The following STK36 variants were observed in gnomAD, a reference collection of about 807,000 sequenced individuals.
STK36 encodes the protein serine/threonine-protein kinase 36.
STK36 carries 116 observed loss-of-function variants against 142.2 expected under a neutral mutation model. That is an observed-to-expected ratio of 0.82 (90% confidence interval 0.70 to 0.95). The LOEUF (loss-of-function observed/expected upper bound fraction) is 0.95, where lower values mean the gene tolerates loss of function less well. Among genes scored for constraint, STK36 ranks in the 40% least tolerant of loss-of-function variants. The probability of loss-of-function intolerance (pLI) is 0.00; values close to 1 mark genes in which losing one functional copy is unlikely to be tolerated. For synonymous variants in STK36, 619 were observed against 641.7 expected, an observed-to-expected ratio of 0.96 and a Z score of 0.53; for missense variants, 1,422 against 1,617.2, an observed-to-expected ratio of 0.88 and a Z score of 2.07.
At chr2:218,675,285 G>A (rs748472396) in intron 4 of STK36, 58 bp from the exon 5 acceptor site, 83 of 1,567,016 alleles carry the variant, frequency 5.3e-5, no homozygotes, top group Non-Finnish European at 6.8e-5. Flanking sequence ...TTTTGGGCTT[G>A]TCAGCCAGCT....
At chr2:218,698,475 C>A in intron 25 of STK36, 127 bp from the exon 26 acceptor site, 1 of 1,180,106 alleles carries the variant, frequency 8.5e-7, no homozygotes, top group Non-Finnish European at 1.2e-6. Context: ...TGCTGTGGGG[C>A]AGGACTTCCA....
chr2:218,696,998 C>T, intron 22 of STK36, 41 bp from the exon 23 acceptor site: 1 of 1,610,656 alleles, frequency 6.2e-7, no homozygotes, highest in South Asian at 1.1e-5. Context: ...GGATTCCTGA[C>T]TTCTGTCTTT....
intron 21 of STK36, among the ~76,000 whole-genome samples, chr2:218,695,052 G>A (rs1362058346): frequency 6.6e-6 from 1 of 152,008 alleles, no homozygotes; most frequent in Non-Finnish European, 1.5e-5. Context: ...GATGGAAAAG[G>A]TGGCTGACAT....
chr2:218,689,484 G>T (rs767693051), intron 12 of STK36, among the ~76,000 whole-genome samples: 1 of 152,212 alleles, frequency 6.6e-6, no homozygotes, highest in African/African-American at 2.4e-5. Context: ...GGACTGAGAG[G>T]ATGGGGAATG....
intron 7 of STK36, 36 bp from the exon 8 acceptor site, chr2:218,679,524 C>G (rs1205858566): frequency 1.9e-6 from 3 of 1,600,012 alleles, no homozygotes; most frequent in African/African-American, 2.7e-5. Context: ...ACTATGGCCC[C>G]CATGATCATG....
At position 218,693,244 on chromosome 2, in the gene STK36, G is replaced by A; in HGVS notation, c.2048G>A (p.Cys683Tyr). ...CCTTCAGGTATGTCTCTATAGGTCT[G>A]TTGGCATTTGGCAAATCAGCTAACT... is the stretch of plus-strand genomic sequence containing the variant. ...PDCWDAKEQV[C>Y]WHLANQLTED... Residue 683 changes from cysteine to tyrosine, a missense_variant, in exon 17 of 27, where the codon TGT (cysteine) becomes TAT (tyrosine). Cys to Tyr is a radical substitution (Grantham distance 194). This residue lies in a region of STK36 where 962 missense variants were observed against 1,167.5 expected (regional missense o/e 0.82). Coordinates refer to ENST00000295709, the MANE Select transcript of STK36 (RefSeq NM_015690.5). 6.2e-7 allele frequency: 1 copy of A among 1,614,158 alleles called. No individual in the cohort carries two copies. Among genetic ancestry groups the A allele is most frequent in the Non-Finnish European group, 8.5e-7 (1 of 1,180,014 alleles).
chr2:218,694,571 C>T lies in STK36; in HGVS notation c.2447C>T (p.Thr816Ile), dbSNP rs1423071091. Residue 816 changes from threonine to isoleucine, a missense_variant, in exon 21 of 27, where the codon ACC becomes ATC. By Grantham distance (89) the Thr-to-Ile change is moderately conservative. Around this residue, in one of 2 missense-constraint regions of STK36, gnomAD observed 962 missense variants for 1,167.5 expected, o/e 0.82. Coordinates refer to ENST00000295709, the MANE Select transcript of STK36 (RefSeq NM_015690.5). This position sits in a 1 kb window ranked among gnomAD's most constrained non-coding sequence, Gnocchi z 4.4. ...LLGQLGQQGV[T>I]FDLQPMEWMA... ...GGACAGCTTGGTCAGCAAGGGGTGACCTTTGACCTCCAGCCCATGGAATGG... is the reference window on the plus strand; with the variant it reads ...GGACAGCTTGGTCAGCAAGGGGTGATCTTTGACCTCCAGCCCATGGAATGG... 1 of 1,614,122 alleles carries T rather than the reference C, an allele frequency of 6.2e-7. No individual in the cohort carries two copies. Among genetic ancestry groups the T allele is most frequent in the Non-Finnish European group, 8.5e-7 (1 of 1,180,048 alleles).
chr2:218,694,964 G>A lies in STK36; in HGVS notation c.2511+329G>A, dbSNP rs529408461. 1.2e-3 allele frequency among the ~76,000 whole-genome samples: 181 copies of A among 152,236 alleles called. No homozygotes were observed. The highest frequency in any genetic ancestry group is 4.1e-3 in the African/African-American group (171 of 41,548). ...TCCTCCTCCAGAAGCTCATGCTCTT[G>A]GCAGAGTCCTTCCTAATGCATAATT... On this transcript the variant is annotated intron_variant, in intron 21 of 26. Transcript: ENST00000295709. This position sits in a 1 kb window ranked among gnomAD's most constrained non-coding sequence, Gnocchi z 4.4.
At chr2:218,698,124 T>C (rs1941305271) in intron 25 of STK36, 123 bp downstream of exon 25, 1 of 1,381,816 alleles carries the variant, frequency 7.2e-7, no homozygotes, top group African/African-American at 1.4e-5. Flanking sequence ...CTGGCTTGAC[T>C]CAAAAGTTGG....
intron 26 of STK36, among the ~76,000 whole-genome samples, chr2:218,701,427 C>T (rs1226849981): frequency 1.3e-5 from 2 of 152,026 alleles, no homozygotes; most frequent in African/African-American, 4.8e-5. Context: ...GCATGAGCCA[C>T]CTTGCCTGGC....
At chr2:218,682,290 CCT>C (rs370035342) in intron 10 of STK36, among the ~76,000 whole-genome samples, 2 of 151,092 alleles carry the variant, frequency 1.3e-5, no homozygotes, top group African/African-American at 2.4e-5. Flanking sequence ...GCTTTACCAT[CCT>C]CTCTCTCTCT....
chr2:218,701,209 A>G (rs1195599054), intron 26 of STK36, among the ~76,000 whole-genome samples: 2 of 148,134 alleles, frequency 1.4e-5, no homozygotes, highest in Admixed American at 6.8e-5. Flanking sequence ...ATCTTGGCTC[A>G]CTGCAAGCTC....
chr2:218,685,565 T>A (rs1940739434), intron 11 of STK36, among the ~76,000 whole-genome samples: 1 of 152,176 alleles, frequency 6.6e-6, no homozygotes. Context: ...TTTTTATTGA[T>A]GAAATTAAAA....
rs752471464 is a variant in STK36 at position 218,679,131 on chromosome 2, G to A, written c.685-37G>A. ...TGATAGAGAGAGACTTAAGGGAAGG[G>A]AAAGAATGACTGATGGAATATTTTT... On this transcript the variant is annotated intron_variant, in intron 6 of 26. Coordinates refer to ENST00000295709, the MANE Select transcript of STK36 (RefSeq NM_015690.5). The A allele has an allele frequency of 1.3e-5, 21 of 1,596,836 alleles. No homozygotes were observed. In the South Asian group the frequency reaches 2.1e-4, roughly 16 times the overall value.
At chr2:218,684,105 T>C (rs1940664517) in intron 10 of STK36, among the ~76,000 whole-genome samples, 1 of 135,838 alleles carries the variant, frequency 7.4e-6, no homozygotes, top group South Asian at 2.2e-4. Flanking sequence ...AGCCTCACGA[T>C]CTTTTTTTTT....
Position 218,676,256 on chromosome 2 carries a change from C to T in STK36, c.662C>T (p.Ser221Leu). ...CTCAAGGACCCTGTGCGCTGGCCCT[C>T]AACCATCAGTCCCTGCTTTAAGGTA... is the stretch of plus-strand genomic sequence containing the variant. ...LILKDPVRWP[S>L]TISPCFKNFL... The change falls in exon 6 of 27, where the codon TCA becomes TTA. Residue 221 changes from serine to leucine, a missense_variant. By Grantham distance (145) the Ser-to-Leu change is moderately radical (BLOSUM62 -2). Coordinates refer to ENST00000295709, the MANE Select transcript of STK36 (RefSeq NM_015690.5). 6.2e-7 allele frequency: 1 copy of T among 1,614,204 alleles called. No homozygotes were observed. The highest frequency in any genetic ancestry group is 1.6e-4 in the Middle Eastern group (1 of 6,062).
chr2:218,701,786 G>A (rs1941449604), intron 26 of STK36, 80 bp from the exon 27 acceptor site: 2 of 1,516,756 alleles, frequency 1.3e-6, no homozygotes, highest in Non-Finnish European at 1.8e-6. Flanking sequence ...CTGGGTAAAT[G>A]AGAGTCCTCC....
intron 16 of STK36, 125 bp from the exon 17 acceptor site, chr2:218,693,115 G>A: frequency 1.2e-6 from 1 of 813,470 alleles, no homozygotes; most frequent in Non-Finnish European, 2.0e-6. Context: ...TGGGGTCTGA[G>A]GTTTCTGGTG....
chr2:218,700,162 C>T (rs563804995), intron 26 of STK36, among the ~76,000 whole-genome samples: 15 of 152,160 alleles, frequency 9.9e-5, no homozygotes, highest in Admixed American at 5.2e-4. Flanking sequence ...CTCAGGTGAT[C>T]CACCTGCCTT....
Sources: gnomAD v4.1 joint callset for allele counts (sites outside exome capture counted in the v4.1 genomes callset) on GRCh38, gnomAD v4.1.1 for gene constraint, gnomAD v4.1.1 regional missense constraint, Gnocchi (gnomAD v3.1) non-coding constraint, MANE v1.5 for transcripts, NCBI Gene and HGNC (gene_info 2026-07-23, HGNC 2026-07-21) for gene names.